The following CC2D2B variants were observed in gnomAD, a reference collection of about 807,000 sequenced individuals.
The protein encoded by CC2D2B is coiled-coil and C2 domain containing 2B.
CC2D2B carries 128 observed loss-of-function variants against 161.2 expected under a neutral mutation model. The ratio of observed to expected loss-of-function variants is 0.79; its 90% confidence interval spans 0.69 to 0.92. CC2D2B has a LOEUF of 0.92. Among genes scored for constraint, CC2D2B ranks in the 40% least tolerant of loss-of-function variants. The probability of loss-of-function intolerance (pLI) is 0.00; values close to 1 mark genes in which losing one functional copy is unlikely to be tolerated. For missense variants in CC2D2B, 1,173 were observed against 1,375.1 expected (o/e 0.85, Z 2.32); for synonymous variants, 391 against 449.8 (o/e 0.87, Z 1.65).
chr10:95,980,798 T>C (rs2077488607), intron 17 of CC2D2B, among the ~76,000 whole-genome samples: 3 of 152,188 alleles, frequency 2.0e-5, no homozygotes, highest in Admixed American at 2.0e-4. Flanking sequence ...GTGTTTGGGC[T>C]AAGACATTGT....
chr10:95,935,852 C>A (rs983963906), intron 6 of CC2D2B, among the ~76,000 whole-genome samples: 1 of 152,176 alleles, frequency 6.6e-6, no homozygotes, highest in Non-Finnish European at 1.5e-5. Flanking sequence ...TATCCTCTTA[C>A]CCTGCTTTAT....
chr10:96,033,306 A>G lies in CC2D2B; in HGVS notation c.*1298A>G, dbSNP rs1048012472. On this transcript the variant is annotated 3_prime_UTR_variant, in exon 35 of 35. Transcript: ENST00000646931. ...TTGTGGTGATGTTAGTCTTGGACCA[A>G]GCTTGAGATTACTAGAAGAGGCAAA... Among the ~76,000 whole-genome samples, 2 of 152,174 alleles carry G rather than the reference A, an allele frequency of 1.3e-5. No individual in the cohort carries two copies. Among genetic ancestry groups the G allele is most frequent in the African/African-American group, 4.8e-5 (2 of 41,442 alleles).
intron 22 of CC2D2B, among the ~76,000 whole-genome samples, chr10:95,994,164 C>T (rs1361792611): frequency 1.3e-5 from 2 of 148,258 alleles, no homozygotes; most frequent in Non-Finnish European, 3.0e-5. Flanking sequence ...AATGGCTGGG[C>T]GCACTGATAT....
At chr10:95,908,978 T>C (rs1415322544) in intron 1 of CC2D2B, among the ~76,000 whole-genome samples, 1 of 152,110 alleles carries the variant, frequency 6.6e-6, no homozygotes, top group Non-Finnish European at 1.5e-5. Context: ...AGTCCCAAGA[T>C]AGAGAAGTGG....
chr10:95,907,867 C>T (rs1290089138), upstream of CC2D2B: 1 of 152,336 alleles, frequency 6.6e-6, no homozygotes, highest in Non-Finnish European at 1.5e-5. Flanking sequence ...GCGCGTGCTC[C>T]GCTCCCTCTG....
At chr10:95,968,674 A>G (rs2077023607) in intron 14 of CC2D2B, 50 bp from the exon 15 acceptor site, 1 of 697,684 alleles carries the variant, frequency 1.4e-6, no homozygotes, top group Admixed American at 4.4e-5. Context: ...ACAATATGTT[A>G]TGTCTGTTGT....
At chr10:95,970,778 A>G (rs867167802) in intron 15 of CC2D2B, among the ~76,000 whole-genome samples, 6 of 152,348 alleles carry the variant, frequency 3.9e-5, no homozygotes, top group Middle Eastern at 3.4e-3. Flanking sequence ...CTGATTTACA[A>G]TAAGAAAGTT....
intron 9 of CC2D2B, among the ~76,000 whole-genome samples, chr10:95,946,123 T>G (rs2076189987): frequency 6.6e-6 from 1 of 152,186 alleles, no homozygotes; most frequent in Admixed American, 6.5e-5. Flanking sequence ...TGTTAAAGTC[T>G]GTCTCCAGGT....
intron 29 of CC2D2B, among the ~76,000 whole-genome samples, chr10:96,015,470 T>G (rs914897273): frequency 1.3e-4 from 4 of 31,484 alleles, no homozygotes; most frequent in African/African-American, 4.7e-4. Flanking sequence ...TTTGTTTTTG[T>G]TTTTTTTTTC....
chr10:95,911,872 G>A (rs2098506967), intron 2 of CC2D2B, among the ~76,000 whole-genome samples: 1 of 152,138 alleles, frequency 6.6e-6, no homozygotes, highest in African/African-American at 2.4e-5. Context: ...ATACCTTAAG[G>A]GTTGCTATCC....
At chr10:95,988,629 A>G (rs1262668257) in intron 20 of CC2D2B, among the ~76,000 whole-genome samples, 1 of 152,200 alleles carries the variant, frequency 6.6e-6, no homozygotes, top group Non-Finnish European at 1.5e-5. Context: ...TCACCTTGAG[A>G]GATACCCCAG....
At chr10:96,004,115 A>C (rs2078646788) in intron 24 of CC2D2B, 37 bp from the exon 25 acceptor site, 3 of 1,218,412 alleles carry the variant, frequency 2.5e-6, no homozygotes, top group African/African-American at 1.6e-5. Flanking sequence ...GGATTTTGAG[A>C]AAATTAAGCA....
chr10:96,031,669 G>C (rs1278181332), intron 34 of CC2D2B, 151 bp from the exon 35 acceptor site: 1 of 676,232 alleles, frequency 1.5e-6, no homozygotes, highest in African/African-American at 1.8e-5. Flanking sequence ...GCATTTAGCT[G>C]TACCTAGAAC....
At chr10:95,980,848 A>G (rs909932310) in intron 17 of CC2D2B, among the ~76,000 whole-genome samples, 1 of 152,208 alleles carries the variant, frequency 6.6e-6, no homozygotes, top group Non-Finnish European at 1.5e-5. Context: ...ATCCCAATTT[A>G]TAGACAGGAA....
At position 96,032,360 on chromosome 10, in the gene CC2D2B, G is replaced by C. The variant is rs993354776; in HGVS notation, c.*352G>C. 9.6e-6 allele frequency: 2 copies of C among 208,816 alleles called. No homozygotes were observed. The highest frequency in any genetic ancestry group is 4.6e-5 in the African/African-American group (2 of 43,670). The allele number at this position is 208,816 out of a possible 1,614,324, so 12.9% of individuals were successfully genotyped here. A position where few individuals can be genotyped will look rare whatever the true frequency, so the allele number is the denominator to read the frequency against. The stretch of plus-strand genomic sequence containing the variant: ...TGTAGAATTCACACCACCTCCATTT[G>C]AATCATCTGGAGAGCCTTGTTGAAA... On this transcript the variant is annotated 3_prime_UTR_variant, in exon 35 of 35. Coordinates refer to ENST00000646931, the MANE Select transcript of CC2D2B (RefSeq NM_001349008.3).
chr10:95,999,452 C>CT (rs999947694), intron 24 of CC2D2B, among the ~76,000 whole-genome samples: 46 of 147,694 alleles, frequency 3.1e-4, no homozygotes, highest in East Asian at 3.0e-3. Context: ...GTCTGTTTTT[C>CT]TTTTTTTTTT....
intron 20 of CC2D2B, among the ~76,000 whole-genome samples, chr10:95,990,802 A>G (rs547023000): frequency 1.4e-4 from 21 of 152,318 alleles, no homozygotes; most frequent in Middle Eastern, 6.8e-3. Context: ...TCCTCAGACT[A>G]AAAAGGAGAT....
intron 3 of CC2D2B, among the ~76,000 whole-genome samples, chr10:95,923,134 T>G (rs2098531066): frequency 6.6e-6 from 1 of 152,168 alleles, no homozygotes; most frequent in Admixed American, 6.5e-5. Flanking sequence ...GTATTTTTAG[T>G]AGAGATGGGG....
intron 6 of CC2D2B, among the ~76,000 whole-genome samples, chr10:95,933,337 A>T (rs1056639321): frequency 6.6e-6 from 1 of 151,852 alleles, no homozygotes; most frequent in Non-Finnish European, 1.5e-5. Flanking sequence ...ATGCTCTTTT[A>T]GCTCAGAGGA....
Sources: gnomAD v4.1 joint callset for allele counts (sites outside exome capture counted in the v4.1 genomes callset) on GRCh38, gnomAD v4.1.1 for gene constraint, MANE v1.5 for transcripts, NCBI Gene and HGNC (gene_info 2026-07-23, HGNC 2026-07-21) for gene names.